RBMS3: variants seen among roughly 807,000 people sequenced by gnomAD.
The protein encoded by RBMS3 is RNA-binding motif, single-stranded-interacting protein 3.
In RBMS3, 27 loss-of-function variants were observed where a neutral mutation model predicts 66.8. That is an observed-to-expected ratio of 0.40 (90% CI 0.30 to 0.56). The LOEUF (loss-of-function observed/expected upper bound fraction) is 0.56. Ranked by LOEUF, RBMS3 falls within the 20% of genes least tolerant of loss-of-function variation. The pLI is 0.40. For synonymous variants in RBMS3, 188 were observed against 183.0 expected, an observed-to-expected ratio of 1.03 and a Z score of -0.22; for missense variants, 513 against 549.5, an observed-to-expected ratio of 0.93 and a Z score of 0.66.
At chr3:29,984,646 T>A (rs914335456) in intron 12 of RBMS3, among the ~76,000 whole-genome samples, 3 of 152,176 alleles carry the variant, frequency 2.0e-5, no homozygotes, top group Admixed American at 6.5e-5. Context: ...TTCTGTTAGT[T>A]TTCCTTCTAA....
chr3:29,390,622 C>A (rs1383545759), intron 1 of RBMS3, among the ~76,000 whole-genome samples: 2 of 151,962 alleles, frequency 1.3e-5, no homozygotes, highest in Non-Finnish European at 1.5e-5. Context: ...TCTGAAGAGC[C>A]CCATGGTTGA....
rs141400025 is a variant in RBMS3 at position 29,935,801 on chromosome 3, G to T, written c.940-285G>T. ...GAACAGTGGGCAAGAGGATATAGAT[G>T]ATTTTCAATACATTCTACCTCAAAA... On this transcript the variant is annotated intron_variant, in intron 10 of 14. Transcript: ENST00000383767. 8.6e-3 allele frequency among the ~76,000 whole-genome samples: 1,311 copies of T among 152,098 alleles called. 19 individuals carry two copies. The highest frequency in any genetic ancestry group is 0.03 in the African/African-American group (1,243 of 41,500).
chr3:29,518,970 G>A (rs28625754), intron 3 of RBMS3, among the ~76,000 whole-genome samples: 6,752 of 152,268 alleles, frequency 0.044, 511 homozygotes, highest in East Asian at 0.37. Flanking sequence ...TAGTAAGATC[G>A]TAATGAACCA....
In RBMS3 at chr3:30,007,937, A is replaced by G. The variant is rs1559886708; in HGVS notation, c.*4075A>G. On this transcript the variant is annotated 3_prime_UTR_variant, in exon 15 of 15. Coordinates refer to ENST00000383767, the MANE Select transcript of RBMS3 (RefSeq NM_001003793.3). ...TGTTAAAAGCACTCTCATTAGAAATATAAGGCTGAGAACTGAAGAAGGCTG... is the reference window on the plus strand; with the variant it reads ...TGTTAAAAGCACTCTCATTAGAAATGTAAGGCTGAGAACTGAAGAAGGCTG... 1.3e-5 allele frequency: 2 copies of G among 152,180 alleles called. No homozygotes were observed. The highest frequency in any genetic ancestry group is 4.1e-4 in the South Asian group (2 of 4,828). 9.4% of individuals were successfully genotyped at this position (152,180 alleles called of 1,614,324 possible). A position where few individuals can be genotyped will look rare whatever the true frequency, so the allele number is the denominator to read the frequency against.
rs899027190 is a variant in RBMS3 at position 29,905,795 on chromosome 3, C to T, written c.939+6040C>T. Among the ~76,000 whole-genome samples the T allele has an allele frequency of 1.3e-4, 20 of 152,034 alleles. 1 individual carries two copies. The highest frequency in any genetic ancestry group is 8.5e-4 in the Admixed American group (13 of 15,242). The stretch of plus-strand genomic sequence containing the variant: ...AGTCTTATAATATTTTAAGAAAGAT[C>T]GTGAATTTGTGTGGGGTCACATTCA... On this transcript the variant is annotated intron_variant, in intron 10 of 14. Coordinates refer to ENST00000383767, the MANE Select transcript of RBMS3 (RefSeq NM_001003793.3).
intron 2 of RBMS3, among the ~76,000 whole-genome samples, chr3:29,477,844 C>T (rs1038438843): frequency 6.6e-6 from 1 of 152,166 alleles, no homozygotes; most frequent in Non-Finnish European, 1.5e-5. Flanking sequence ...CAGTTCACTG[C>T]AACCTCTGCC....
intron 10 of RBMS3, among the ~76,000 whole-genome samples, chr3:29,900,890 G>C (rs1260502467): frequency 6.6e-6 from 1 of 151,716 alleles, no homozygotes; most frequent in Non-Finnish European, 1.5e-5. Context: ...ACACCAGGGA[G>C]CTAAATACGC....
At chr3:29,736,752 T>C (rs1866773) in intron 4 of RBMS3, among the ~76,000 whole-genome samples, 60,103 of 151,946 alleles carry the variant, frequency 0.4, 12,255 homozygotes, top group South Asian at 0.51. Flanking sequence ...TCTCAATTCT[T>C]CTTTAATTCT....
chr3:29,389,472 A>G (rs2039179984), intron 1 of RBMS3, among the ~76,000 whole-genome samples: 1 of 152,174 alleles, frequency 6.6e-6, no homozygotes, highest in Non-Finnish European at 1.5e-5. Flanking sequence ...TTCACAATGC[A>G]TTGAACATCC....
At chr3:29,635,260 A>C (rs2049432904) in intron 4 of RBMS3, among the ~76,000 whole-genome samples, 2 of 151,862 alleles carry the variant, frequency 1.3e-5, no homozygotes, top group Admixed American at 1.3e-4. Flanking sequence ...GATGTCTGTT[A>C]GACATTTCAC....
chr3:29,508,677 T>A (rs976418962), intron 3 of RBMS3, among the ~76,000 whole-genome samples: 5 of 152,070 alleles, frequency 3.3e-5, no homozygotes, highest in African/African-American at 9.7e-5. Flanking sequence ...GCTTTTTTTT[T>A]ATAGTAGAAT....
At chr3:29,665,976 C>T (rs1054612853) in intron 4 of RBMS3, among the ~76,000 whole-genome samples, 7 of 152,300 alleles carry the variant, frequency 4.6e-5, no homozygotes, top group East Asian at 3.9e-4. Flanking sequence ...CTAAAAGGCT[C>T]GTCTACAGTT....
intron 12 of RBMS3, among the ~76,000 whole-genome samples, chr3:29,978,651 A>T (rs1158753584): frequency 1.3e-5 from 2 of 152,266 alleles, no homozygotes; most frequent in East Asian, 3.9e-4. Context: ...GTTAAAAAAA[A>T]TGGAAAAAAC....
chr3:29,428,855 C>G (rs776309275), intron 1 of RBMS3, among the ~76,000 whole-genome samples: 1 of 152,152 alleles, frequency 6.6e-6, no homozygotes, highest in Non-Finnish European at 1.5e-5. Flanking sequence ...ATGGTCACTT[C>G]CCCTTTGAAA....
intron 8 of RBMS3, among the ~76,000 whole-genome samples, chr3:29,896,493 C>T (rs977293865): frequency 1.3e-5 from 2 of 151,636 alleles, no homozygotes; most frequent in Non-Finnish European, 3.0e-5. Context: ...CCATCTCAGG[C>T]AACCTGGTTT....
chr3:29,808,167 TTTG>T (rs2057617479), intron 6 of RBMS3, among the ~76,000 whole-genome samples: 1 of 151,898 alleles, frequency 6.6e-6, no homozygotes, highest in South Asian at 2.1e-4. Flanking sequence ...TGGGACCATT[TTTG>T]TTGTTCATTT....
intron 4 of RBMS3, among the ~76,000 whole-genome samples, chr3:29,713,660 A>T (rs1440434493): frequency 6.6e-6 from 1 of 152,204 alleles, no homozygotes; most frequent in Non-Finnish European, 1.5e-5. Context: ...AAAATGTTTT[A>T]TACTTTAATG....
At chr3:29,752,645 A>G (rs1236464149) in intron 5 of RBMS3, among the ~76,000 whole-genome samples, 1 of 152,348 alleles carries the variant, frequency 6.6e-6, no homozygotes, top group Non-Finnish European at 1.5e-5. Flanking sequence ...TACAGGACAC[A>G]TAGAAGCAAA....
chr3:29,285,741 C>T (rs2032275754), intron 1 of RBMS3, among the ~76,000 whole-genome samples: 1 of 152,110 alleles, frequency 6.6e-6, no homozygotes, highest in Non-Finnish European at 1.5e-5. Flanking sequence ...CTGCAGCCAC[C>T]CGTCTCTAAA....
Sources: gnomAD v4.1 joint callset for allele counts (sites outside exome capture counted in the v4.1 genomes callset) on GRCh38, gnomAD v4.1.1 for gene constraint, MANE v1.5 for transcripts, NCBI Gene and HGNC (gene_info 2026-07-23, HGNC 2026-07-21) for gene names.